Variants in NOL10 observed in about 807,000 individuals in gnomAD.
NOL10 encodes nucleolar protein 10, also known as H_NH0074G24.1.
A neutral mutation model predicts 103.5 loss-of-function variants in NOL10; 58 were observed. The ratio of observed to expected loss-of-function variants is 0.56; its 90% CI spans 0.45 to 0.70. The LOEUF (loss-of-function observed/expected upper bound fraction) is 0.70, where lower values mean the gene tolerates loss of function less well. Ranked by LOEUF, NOL10 falls within the 30% of genes least tolerant of loss-of-function variation. The pLI, the probability that NOL10 is intolerant of heterozygous loss-of-function variation, is 0.00. For missense variants in NOL10, 763 were observed against 807.3 expected (o/e 0.95, Z 0.67); for synonymous variants, 287 against 282.5 (o/e 1.02, Z -0.16).
At chr2:10,624,693 G>T (rs1419087960) in intron 13 of NOL10, among the ~76,000 whole-genome samples, 1 of 152,058 alleles carries the variant, frequency 6.6e-6, no homozygotes, top group Non-Finnish European at 1.5e-5. Context: ...AAAAGGTATG[G>T]GCACTATGGA....
At chr2:10,671,407 TTC>T (rs1359336368) in intron 6 of NOL10, 145 bp downstream of exon 6, 3 of 724,644 alleles carry the variant, frequency 4.1e-6, no homozygotes, top group Non-Finnish European at 6.1e-6. Context: ...GTGTTTTCTT[TTC>T]TTTTTTTTTT....
chr2:10,625,152 A>G (rs1406389313), intron 13 of NOL10, among the ~76,000 whole-genome samples: 1 of 152,136 alleles, frequency 6.6e-6, no homozygotes, highest in Non-Finnish European at 1.5e-5. Flanking sequence ...GGAACAGAGG[A>G]CTTTTAGGGT....
chr2:10,668,350 G>A (rs1353292490), intron 7 of NOL10, among the ~76,000 whole-genome samples: 4 of 152,008 alleles, frequency 2.6e-5, no homozygotes, highest in African/African-American at 7.2e-5. Flanking sequence ...GTTCTCCACA[G>A]GAGAAAATAT....
Position 10,586,873 on chromosome 2 carries a change from G to A in NOL10, c.1844+2170C>T, listed in dbSNP as rs985456899. ...AATATGTGGTAATTGACCCCTGACTGTTAAAAATTCTGGTTACCAGTAGGC... is the reference window on the plus strand; with the variant it reads ...AATATGTGGTAATTGACCCCTGACTATTAAAAATTCTGGTTACCAGTAGGC... On this transcript the variant is annotated intron_variant, in intron 19 of 20. Coordinates refer to ENST00000381685, the MANE Select transcript of NOL10 (RefSeq NM_024894.4). 3.3e-5 allele frequency among the ~76,000 whole-genome samples: 5 copies of A among 150,792 alleles called. No homozygotes were observed. The South Asian group carries it at 1.0e-3, about 32-fold the overall frequency.
At chr2:10,607,334 C>A in intron 13 of NOL10, 23 bp from the exon 14 acceptor site, 1 of 1,585,504 alleles carries the variant, frequency 6.3e-7, no homozygotes, top group Admixed American at 1.9e-5. Flanking sequence ...ATGAGAAGGT[C>A]AGCAAAGGCA....
chr2:10,689,226 C>A (rs1209526208), intron 1 of NOL10, among the ~76,000 whole-genome samples: 1 of 152,206 alleles, frequency 6.6e-6, no homozygotes, highest in Non-Finnish European at 1.5e-5. Flanking sequence ...CATTACTAAA[C>A]ACGAGAAGAT....
At chr2:10,601,407 A>C (rs1238832694) in intron 16 of NOL10, among the ~76,000 whole-genome samples, 2 of 152,148 alleles carry the variant, frequency 1.3e-5, no homozygotes, top group African/African-American at 4.8e-5. Context: ...CATAGTAGGA[A>C]ATGTAGACAG....
chr2:10,623,294 C>T (rs1572313562), intron 13 of NOL10, among the ~76,000 whole-genome samples: 1 of 152,068 alleles, frequency 6.6e-6, no homozygotes, highest in Non-Finnish European at 1.5e-5. Flanking sequence ...TCAGTATCTC[C>T]CATTCCTTAA....
intron 13 of NOL10, among the ~76,000 whole-genome samples, chr2:10,643,598 T>C (rs1040529387): frequency 4.6e-5 from 7 of 152,202 alleles, no homozygotes; most frequent in Non-Finnish European, 8.8e-5. Context: ...GCAAACTACA[T>C]GTCATCCCTG....
intron 6 of NOL10, among the ~76,000 whole-genome samples, chr2:10,669,096 GTTTT>G (rs1196484836): frequency 8.0e-5 from 12 of 150,558 alleles, no homozygotes; most frequent in African/African-American, 2.9e-4. Context: ...CTTTTTTTTT[GTTTT>G]TTTGTTTTTG....
At chr2:10,598,262 C>T (rs193060711) in intron 17 of NOL10, among the ~76,000 whole-genome samples, 21 of 152,236 alleles carry the variant, frequency 1.4e-4, no homozygotes, top group African/African-American at 5.1e-4. Context: ...TGTGATGCAC[C>T]GTGAATTTCC....
chr2:10,636,474 G>T (rs1008572212), intron 13 of NOL10, among the ~76,000 whole-genome samples: 1 of 148,126 alleles, frequency 6.8e-6, no homozygotes. Flanking sequence ...TGGGTGTGGC[G>T]GCATATACCT....
Position 10,670,170 on chromosome 2 carries a change from C to G in NOL10, c.464+1384G>C, listed in dbSNP as rs1385274150. 3.9e-5 allele frequency among the ~76,000 whole-genome samples: 6 copies of G among 152,220 alleles called. No individual in the cohort carries two copies. The South Asian group carries it at 1.2e-3, about 32-fold the overall frequency. On this transcript the variant is annotated intron_variant, in intron 6 of 20. Coordinates refer to ENST00000381685, the MANE Select transcript of NOL10 (RefSeq NM_024894.4). Reference sequence around the variant, plus strand: ...TACATGTCTATCTCCAAATTTAGCACCATACTAACAGAAGCCAAAGATATC... The same window carrying G: ...TACATGTCTATCTCCAAATTTAGCAGCATACTAACAGAAGCCAAAGATATC...
At chr2:10,647,389 T>C (rs1010256068) in intron 12 of NOL10, among the ~76,000 whole-genome samples, 1 of 152,168 alleles carries the variant, frequency 6.6e-6, no homozygotes, top group Non-Finnish European at 1.5e-5. Context: ...AGGAAATAAG[T>C]GCAGAAATTG....
At chr2:10,594,162 C>T (rs777891824) in intron 17 of NOL10, among the ~76,000 whole-genome samples, 2 of 151,994 alleles carry the variant, frequency 1.3e-5, no homozygotes, top group Non-Finnish European at 2.9e-5. Context: ...ACAGTCGCTT[C>T]GTGTCAGGTT....
chr2:10,672,187 C>T (rs1295766226), intron 5 of NOL10, among the ~76,000 whole-genome samples: 1 of 152,012 alleles, frequency 6.6e-6, no homozygotes, highest in East Asian at 1.9e-4. Context: ...ATTAGCTGGG[C>T]ATGGTGGCGC....
intron 16 of NOL10, among the ~76,000 whole-genome samples, chr2:10,601,452 C>T (rs1332399252): frequency 2.0e-5 from 3 of 152,152 alleles, no homozygotes; most frequent in East Asian, 1.9e-4. Context: ...GGCAAAAAAA[C>T]GGCAACCCCA....
chr2:10,589,585 C>A lies in NOL10; in HGVS notation c.1589G>T (p.Arg530Leu), dbSNP rs777634167. 1.3e-6 allele frequency: 2 copies of A among 1,560,942 alleles called. No individual in the cohort carries two copies. Among genetic ancestry groups the A allele is most frequent in the East Asian group, 2.3e-5 (1 of 44,264 alleles). The change falls in exon 18 of 21, where the codon CGT becomes CTT. Residue 530 changes from arginine to leucine, a missense_variant. Transcript: ENST00000381685. ...TGATAAGGAGTACATTACTTTTTCACGAAGTTCTTGTTGCTCTAAGAGTCT... is the reference window on the plus strand; with the variant it reads ...TGATAAGGAGTACATTACTTTTTCAAGAAGTTCTTGTTGCTCTAAGAGTCT... ...KLRLLEQQEL[R>L]EKEEEEEPEG...
At chr2:10,633,097 C>T (rs374355033) in intron 13 of NOL10, among the ~76,000 whole-genome samples, 1 of 152,180 alleles carries the variant, frequency 6.6e-6, no homozygotes, top group Non-Finnish European at 1.5e-5. Context: ...CCTGACAGAA[C>T]CAGGAAAACT....
Sources: allele counts gnomAD v4.1 joint callset (sites outside exome capture counted in the v4.1 genomes callset), GRCh38; gene constraint gnomAD v4.1.1; transcripts MANE v1.5; gene names NCBI Gene and HGNC (gene_info 2026-07-23, HGNC 2026-07-21).